The following RAB28 variants were observed in gnomAD, a reference collection of about 807,000 sequenced individuals.
RAB28 encodes the protein RAB28, member RAS oncogene family.
RAB28 carries 24 observed loss-of-function variants against 31.7 expected under a neutral mutation model. The observed-to-expected ratio is 0.76, with a 90% CI of 0.55 to 1.06. The LOEUF (loss-of-function observed/expected upper bound fraction) is 1.06, where lower values mean the gene tolerates loss of function less well. Ranked by LOEUF, RAB28 falls within the 50% of genes least tolerant of loss-of-function variation. The probability of loss-of-function intolerance (pLI) is 0.00; values close to 1 mark genes in which losing one functional copy is unlikely to be tolerated. For missense variants in RAB28, 254 were observed against 258.5 expected (o/e 0.98, Z 0.12); for synonymous variants, 100 against 90.4 (o/e 1.11, Z -0.60).
intron 4 of RAB28, among the ~76,000 whole-genome samples, chr4:13,382,768 G>A (rs905849731): frequency 1.4e-5 from 2 of 147,444 alleles, no homozygotes; most frequent in African/African-American, 5.1e-5. Flanking sequence ...GCATGATCTC[G>A]GCTCACTGCA....
At chr4:13,415,684 G>A (rs1406447539) in intron 4 of RAB28, among the ~76,000 whole-genome samples, 1 of 152,098 alleles carries the variant, frequency 6.6e-6, no homozygotes, top group East Asian at 1.9e-4. Flanking sequence ...CTGGGCTCCT[G>A]TGTGGCCCAA....
Position 13,479,519 on chromosome 4 carries a change from AAGG to A in RAB28, c.80_82del (p.Ser27del), listed in dbSNP as rs1716514285. 1 of 1,594,920 alleles carries A rather than the reference AAGG, an allele frequency of 6.3e-7. No individual in the cohort carries two copies. The highest frequency in any genetic ancestry group is 1.1e-5 in the South Asian group (1 of 90,120). On this transcript the variant is annotated inframe_deletion, in exon 2 of 7. Coordinates refer to ENST00000330852, the MANE Select transcript of RAB28 (RefSeq NM_001017979.3). ...AGTTTCTTGAGCAAAACACGTAGTT[AAGG>A]AGGTCTAAAAAATTGATGCACAGAA...
chr4:13,468,054 A>C (rs1715945625), intron 3 of RAB28, among the ~76,000 whole-genome samples: 1 of 151,958 alleles, frequency 6.6e-6, no homozygotes, highest in Non-Finnish European at 1.5e-5. Flanking sequence ...CAGTCCTCCA[A>C]GAAGACATAA....
chr4:13,435,041 G>GAA (rs1714021830), intron 4 of RAB28, among the ~76,000 whole-genome samples: 1 of 136,152 alleles, frequency 7.3e-6, no homozygotes, highest in Non-Finnish European at 1.6e-5. Flanking sequence ...AAAAAGAAAA[G>GAA]AAAAAGAAAA....
At chr4:13,411,102 G>A (rs1400824344) in intron 4 of RAB28, among the ~76,000 whole-genome samples, 1 of 151,822 alleles carries the variant, frequency 6.6e-6, no homozygotes, top group African/African-American at 2.4e-5. Flanking sequence ...CAATGAGAGG[G>A]AAAAATACAT....
intron 4 of RAB28, among the ~76,000 whole-genome samples, chr4:13,460,291 C>T (rs1286921168): frequency 1.3e-5 from 2 of 152,170 alleles, no homozygotes; most frequent in Non-Finnish European, 2.9e-5. Context: ...GGCATTCTTC[C>T]TGGTTCGCAG....
intron 1 of RAB28, among the ~76,000 whole-genome samples, chr4:13,480,422 A>C (rs541951794): frequency 6.6e-6 from 1 of 151,956 alleles, no homozygotes; most frequent in South Asian, 2.1e-4. Flanking sequence ...TTCAAGACAG[A>C]CTCCCTACTT....
At chr4:13,403,277 C>T (rs1199146139) in intron 4 of RAB28, among the ~76,000 whole-genome samples, 1 of 152,024 alleles carries the variant, frequency 6.6e-6, no homozygotes, top group Non-Finnish European at 1.5e-5. Context: ...TACATTTTTC[C>T]TGTGATTAAA....
At chr4:13,428,568 T>TGCA (rs1431751785) in intron 4 of RAB28, among the ~76,000 whole-genome samples, 1 of 152,162 alleles carries the variant, frequency 6.6e-6, no homozygotes, top group East Asian at 1.9e-4. Flanking sequence ...GATTCTAGAA[T>TGCA]GCAGATGAAA....
chr4:13,483,393 T>A (rs1424439320), intron 1 of RAB28, among the ~76,000 whole-genome samples: 1 of 152,134 alleles, frequency 6.6e-6, no homozygotes, highest in Non-Finnish European at 1.5e-5. Context: ...GTTGACTGAC[T>A]GCTTGTATCG....
intron 3 of RAB28, among the ~76,000 whole-genome samples, chr4:13,469,750 G>C (rs867259436): frequency 2.0e-5 from 3 of 151,940 alleles, no homozygotes; most frequent in Non-Finnish European, 4.4e-5. Flanking sequence ...AGGCTGGAAC[G>C]CAGTCATGGC....
intron 4 of RAB28, among the ~76,000 whole-genome samples, chr4:13,415,678 G>C (rs1013908632): frequency 1.1e-4 from 16 of 152,154 alleles, no homozygotes; most frequent in South Asian, 6.2e-4. Context: ...GCCACCCTGG[G>C]CTCCTGTGTG....
At chr4:13,371,602 T>C (rs1728715942) in intron 6 of RAB28, 6 of 985,278 alleles carry the variant, frequency 6.1e-6, no homozygotes, top group Non-Finnish European at 7.2e-6. Context: ...CTCTTTGACA[T>C]AAAGCTTTGT....
intron 4 of RAB28, among the ~76,000 whole-genome samples, chr4:13,414,485 G>T (rs1017420044): frequency 6.6e-6 from 1 of 152,128 alleles, no homozygotes; most frequent in African/African-American, 2.4e-5. Flanking sequence ...TCCAAAAGAG[G>T]TACCAAAATC....
At chr4:13,444,654 T>C (rs1714605436) in intron 4 of RAB28, among the ~76,000 whole-genome samples, 1 of 152,256 alleles carries the variant, frequency 6.6e-6, no homozygotes, top group Non-Finnish European at 1.5e-5. Context: ...TTCACATTCT[T>C]GCCAATACTT....
chr4:13,403,447 A>G (rs1711894993), intron 4 of RAB28, among the ~76,000 whole-genome samples: 1 of 152,150 alleles, frequency 6.6e-6, no homozygotes, highest in Non-Finnish European at 1.5e-5. Flanking sequence ...CTATTTCTCA[A>G]CTGTTCCTGC....
chr4:13,467,184 TAA>T (rs1018205970), intron 3 of RAB28, among the ~76,000 whole-genome samples: 1 of 151,924 alleles, frequency 6.6e-6, no homozygotes, highest in Non-Finnish European at 1.5e-5. Context: ...GTTCTCAACA[TAA>T]AAAAGTTATA....
At chr4:13,472,107 T>C (rs1355156964) in intron 3 of RAB28, among the ~76,000 whole-genome samples, 1 of 152,000 alleles carries the variant, frequency 6.6e-6, no homozygotes, top group Non-Finnish European at 1.5e-5. Context: ...TCACAAAATA[T>C]TGTGAGTGTA....
intron 2 of RAB28, among the ~76,000 whole-genome samples, chr4:13,475,255 C>A (rs1020761063): frequency 6.6e-6 from 1 of 151,466 alleles, no homozygotes; most frequent in Non-Finnish European, 1.5e-5. Context: ...AGCTATTCTC[C>A]CTTCTCAATG....
Sources: allele counts gnomAD v4.1 joint callset (sites outside exome capture counted in the v4.1 genomes callset), GRCh38; gene constraint gnomAD v4.1.1; transcripts MANE v1.5; gene names NCBI Gene and HGNC (gene_info 2026-07-23, HGNC 2026-07-21).